The following ABLIM3 variants were observed in gnomAD, a reference collection of about 807,000 sequenced individuals.
The protein encoded by ABLIM3 is actin binding LIM protein family member 3, also known as actin-binding LIM protein 3.
ABLIM3 carries 61 observed loss-of-function variants against 109.5 expected under a neutral mutation model. The observed-to-expected ratio is 0.56, with a 90% confidence interval of 0.45 to 0.69. The LOEUF (loss-of-function observed/expected upper bound fraction) is 0.69. Among genes scored for constraint, ABLIM3 ranks in the 30% least tolerant of loss-of-function variants. ABLIM3 has a pLI of 0.00. For missense variants in ABLIM3, 796 were observed against 889.5 expected (o/e 0.89, Z 1.34); for synonymous variants, 300 against 324.8 (o/e 0.92, Z 0.82).
chr5:149,246,452 C>A (rs749006737), intron 16 of ABLIM3, 30 bp from the exon 17 acceptor site: 61 of 1,612,384 alleles, frequency 3.8e-5, no homozygotes, highest in Non-Finnish European at 5.1e-5. Context: ...GGTGCACATG[C>A]CGGAGCTGAT....
At chr5:149,182,759 C>T (rs564607309) in intron 2 of ABLIM3, among the ~76,000 whole-genome samples, 1 of 152,324 alleles carries the variant, frequency 6.6e-6, no homozygotes, top group Admixed American at 6.5e-5. Context: ...CTGCAGCTCC[C>T]AGTGACTTCA....
intron 3 of ABLIM3, among the ~76,000 whole-genome samples, chr5:149,197,139 C>T (rs970855693): frequency 3.3e-5 from 5 of 152,322 alleles, no homozygotes; most frequent in Middle Eastern, 3.4e-3. Context: ...AAAACGTCCA[C>T]GGCTCTTCAG....
chr5:149,248,137 C>G (rs1386957778), intron 18 of ABLIM3, among the ~76,000 whole-genome samples: 1 of 152,204 alleles, frequency 6.6e-6, no homozygotes, highest in Non-Finnish European at 1.5e-5. Context: ...GCTTCCTTGC[C>G]TGCTTTTATA....
chr5:149,237,385 C>T (rs992382364), intron 10 of ABLIM3, 63 bp from the exon 11 acceptor site: 23 of 1,540,712 alleles, frequency 1.5e-5, no homozygotes, highest in Admixed American at 3.8e-5. Flanking sequence ...TTTGTTTCCT[C>T]TCTCCATTCC....
chr5:149,165,494 G>A (rs76727950), intron 2 of ABLIM3, among the ~76,000 whole-genome samples: 1,528 of 152,232 alleles, frequency 0.01, 32 homozygotes, highest in African/African-American at 0.036. Flanking sequence ...CTTTGTATTA[G>A]TAAGAACTCT....
At chr5:149,216,504 A>G (rs1760103288) in intron 7 of ABLIM3, 1 of 153,430 alleles carries the variant, frequency 6.5e-6, no homozygotes, top group Admixed American at 6.4e-5. Flanking sequence ...AGAAGAATGT[A>G]TAGAGGACTG....
chr5:149,222,259 C>A (rs1009473191), intron 8 of ABLIM3, among the ~76,000 whole-genome samples: 1 of 152,036 alleles, frequency 6.6e-6, no homozygotes, highest in Non-Finnish European at 1.5e-5. Flanking sequence ...CTCACGACAA[C>A]CCTGTCAGCT....
intron 2 of ABLIM3, among the ~76,000 whole-genome samples, chr5:149,173,062 G>A (rs1581042705): frequency 6.6e-6 from 1 of 152,148 alleles, no homozygotes; most frequent in East Asian, 1.9e-4. Flanking sequence ...AAAGAGGGGA[G>A]GAGAGTGAAT....
At chr5:149,226,073 T>C (rs1419387345) in intron 8 of ABLIM3, among the ~76,000 whole-genome samples, 1 of 147,226 alleles carries the variant, frequency 6.8e-6, no homozygotes, top group East Asian at 2.0e-4. Flanking sequence ...TTTGGGTTGG[T>C]TTATGTGCAT....
rs770344043 is a variant in ABLIM3 at position 149,230,605 on chromosome 5, G to A, written c.758-44G>A. ...GGTGGGACATGGGGAGAGTGCTGGAGGGTTTGAAAGGTCTGAGTCTTCGTT... is the reference window on the plus strand; with the variant it reads ...GGTGGGACATGGGGAGAGTGCTGGAAGGTTTGAAAGGTCTGAGTCTTCGTT... On this transcript the variant is annotated intron_variant, in intron 8 of 23. Coordinates refer to ENST00000309868, the MANE Select transcript of ABLIM3 (RefSeq NM_014945.5). The A allele has an allele frequency of 1.1e-5, 18 of 1,603,710 alleles. No homozygotes were observed. The Admixed American group carries it at 2.0e-4, about 18-fold the overall frequency.
intron 11 of ABLIM3, among the ~76,000 whole-genome samples, chr5:149,237,823 C>T (rs1293750378): frequency 1.1e-4 from 17 of 152,186 alleles, no homozygotes; most frequent in Admixed American, 1.1e-3. Context: ...CCTACATTTC[C>T]ACCATCTGGA....
Position 149,210,724 on chromosome 5 carries a change from A to G in ABLIM3, c.576-2A>G. The G allele has an allele frequency of 6.2e-7, 1 of 1,613,754 alleles. No individual in the cohort carries two copies. Among genetic ancestry groups the G allele is most frequent in the Non-Finnish European group, 8.5e-7 (1 of 1,179,684 alleles). On this transcript the variant is annotated splice_acceptor_variant, in intron 6 of 23. Transcript: ENST00000309868. LOFTEE classifies it high-confidence loss of function. Reference sequence around the variant, plus strand: ...TCATCCTATGTGAACTTCTTCTTGCAGGGATGGTGTTCCATACTGTGAGTC... The same window carrying G: ...TCATCCTATGTGAACTTCTTCTTGCGGGGATGGTGTTCCATACTGTGAGTC...
At chr5:149,157,408 AGGGT>A (rs1753950504) in intron 2 of ABLIM3, among the ~76,000 whole-genome samples, 1 of 152,028 alleles carries the variant, frequency 6.6e-6, no homozygotes. Flanking sequence ...TATGATAGCC[AGGGT>A]GTCTGCTCAG....
At chr5:149,205,164 A>G (rs1471392319) in intron 5 of ABLIM3, among the ~76,000 whole-genome samples, 1 of 152,218 alleles carries the variant, frequency 6.6e-6, no homozygotes, top group Non-Finnish European at 1.5e-5. Flanking sequence ...AAAGAGGTGG[A>G]TTATTCTTGA....
At chr5:149,254,269 C>G (rs950340629) in intron 23 of ABLIM3, among the ~76,000 whole-genome samples, 1 of 152,112 alleles carries the variant, frequency 6.6e-6, no homozygotes, top group African/African-American at 2.4e-5. Context: ...CTCCTCCAAC[C>G]CTCCTATAGG....
intron 2 of ABLIM3, among the ~76,000 whole-genome samples, chr5:149,173,125 G>T (rs931649680): frequency 6.6e-6 from 1 of 152,240 alleles, no homozygotes; most frequent in Non-Finnish European, 1.5e-5. Context: ...GTGGTGGTCA[G>T]GCTGTCCTCA....
chr5:149,241,512 G>C (rs1715569659), intron 14 of ABLIM3, among the ~76,000 whole-genome samples: 2 of 152,208 alleles, frequency 1.3e-5, no homozygotes, highest in Non-Finnish European at 2.9e-5. Flanking sequence ...TGTAATCCCA[G>C]CACTTTGGGA....
chr5:149,154,630 A>G (rs1469243160), intron 2 of ABLIM3, among the ~76,000 whole-genome samples: 2 of 152,214 alleles, frequency 1.3e-5, no homozygotes. Flanking sequence ...TGTCTAGGGA[A>G]TATCCCCATG....
chr5:149,196,110 C>G (rs1159461789), intron 3 of ABLIM3, among the ~76,000 whole-genome samples: 1 of 149,864 alleles, frequency 6.7e-6, no homozygotes, highest in Non-Finnish European at 1.5e-5. Context: ...GGTGGTCTGA[C>G]TATCAGACCA....
Sources: allele counts gnomAD v4.1 joint callset (sites outside exome capture counted in the v4.1 genomes callset), GRCh38; gene constraint gnomAD v4.1.1; transcripts MANE v1.5; gene names NCBI Gene and HGNC (gene_info 2026-07-23, HGNC 2026-07-21).